Variants in RSRC1 observed in about 807,000 individuals in gnomAD.
The protein encoded by RSRC1 is serine/Arginine-related protein 53.
RSRC1 carries 39 observed loss-of-function variants against 49.1 expected under a neutral mutation model. The observed-to-expected ratio is 0.79, with a 90% CI of 0.61 to 1.04. The LOEUF is 1.04. RSRC1 is among the 50% of genes least tolerant of loss of function. The pLI is 0.00. For missense variants in RSRC1, 388 were observed against 402.4 expected (o/e 0.96, Z 0.31); for synonymous variants, 143 against 130.8 (o/e 1.09, Z -0.63).
At chr3:158,313,423 C>G (rs1289398004) in intron 5 of RSRC1, among the ~76,000 whole-genome samples, 2 of 152,108 alleles carry the variant, frequency 1.3e-5, no homozygotes, top group African/African-American at 4.8e-5. Context: ...TAATATGTGT[C>G]TCTCATCATG....
intron 5 of RSRC1, among the ~76,000 whole-genome samples, chr3:158,299,221 A>T (rs1161799365): frequency 6.6e-6 from 1 of 152,222 alleles, no homozygotes; most frequent in Admixed American, 6.5e-5. Context: ...CAGAATAAAC[A>T]TGTTAGTTTG....
chr3:158,318,385 T>C (rs1285754575), intron 5 of RSRC1, among the ~76,000 whole-genome samples: 1 of 152,158 alleles, frequency 6.6e-6, no homozygotes. Context: ...AAAATATCTT[T>C]TTATTCTAGC....
At chr3:158,239,857 A>G (rs1379670391) in intron 4 of RSRC1, among the ~76,000 whole-genome samples, 1 of 152,218 alleles carries the variant, frequency 6.6e-6, no homozygotes, top group Non-Finnish European at 1.5e-5. Context: ...CTTAACAATA[A>G]AAGAAAGAAT....
chr3:158,229,352 A>ACC (rs1722800471), intron 4 of RSRC1, among the ~76,000 whole-genome samples: 1 of 124,864 alleles, frequency 8.0e-6, no homozygotes, highest in African/African-American at 2.8e-5. Context: ...ATGTATATAT[A>ACC]TACACATATA....
chr3:158,458,193 C>T (rs1737439604), intron 6 of RSRC1, among the ~76,000 whole-genome samples: 1 of 150,270 alleles, frequency 6.7e-6, no homozygotes, highest in Non-Finnish European at 1.5e-5. Flanking sequence ...TGGACACTAA[C>T]TATGGATGCT....
At chr3:158,471,003 T>C (rs1431943515) in intron 7 of RSRC1, among the ~76,000 whole-genome samples, 1 of 152,026 alleles carries the variant, frequency 6.6e-6, no homozygotes, top group African/African-American at 2.4e-5. Context: ...CAGGCTAAGG[T>C]AGAGGATTTG....
chr3:158,409,891 C>T (rs1335405908), intron 6 of RSRC1, among the ~76,000 whole-genome samples: 2 of 151,656 alleles, frequency 1.3e-5, no homozygotes, highest in African/African-American at 2.4e-5. Context: ...TCAATGGCTT[C>T]CATCTGCCCA....
intron 5 of RSRC1, among the ~76,000 whole-genome samples, chr3:158,341,249 G>A (rs565902440): frequency 4.6e-4 from 70 of 152,270 alleles, no homozygotes; most frequent in African/African-American, 1.6e-3. Context: ...CCAAGACCAT[G>A]GGGAAAATGT....
chr3:158,203,130 A>G lies in RSRC1; in HGVS notation c.379A>G (p.Arg127Gly). 1 of 1,613,876 alleles carries G rather than the reference A, an allele frequency of 6.2e-7. No individual in the cohort carries two copies. The highest frequency in any genetic ancestry group is 8.5e-7 in the Non-Finnish European group (1 of 1,179,862). The change falls in exon 4 of 10, where the codon AGA becomes GGA. Residue 127 changes from arginine to glycine, a missense_variant. By Grantham distance (125) the Arg-to-Gly change is moderately radical (BLOSUM62 -2). Transcript: ENST00000611884. Reference sequence around the variant, plus strand: ...TCGTAGCAGTGAAAGGTCCAGTCACAGAAGAACGCGTAGTCGGTCTCGGGA... The same window carrying G: ...TCGTAGCAGTGAAAGGTCCAGTCACGGAAGAACGCGTAGTCGGTCTCGGGA... ...HSRSSERSSH[R>G]RTRSRSRDRE... is the part of the protein sequence containing the mutation.
chr3:158,283,321 A>AG (rs1726288185), intron 4 of RSRC1, among the ~76,000 whole-genome samples: 1 of 141,960 alleles, frequency 7.0e-6, no homozygotes, highest in African/African-American at 2.5e-5. Flanking sequence ...TTGGACTAAT[A>AG]ATTTTTTTTC....
intron 7 of RSRC1, among the ~76,000 whole-genome samples, chr3:158,494,639 A>G (rs1370539761): frequency 3.3e-5 from 5 of 152,228 alleles, no homozygotes; most frequent in Non-Finnish European, 7.3e-5. Context: ...TATACACTGT[A>G]CAAAAATATT....
intron 3 of RSRC1, among the ~76,000 whole-genome samples, chr3:158,194,710 T>C (rs1419513254): frequency 7.0e-6 from 1 of 143,026 alleles, no homozygotes; most frequent in African/African-American, 2.6e-5. Context: ...TGTGTTCTCA[T>C]TGTTCAATTC....
chr3:158,501,678 A>T (rs1739606103), intron 7 of RSRC1, among the ~76,000 whole-genome samples: 2 of 152,058 alleles, frequency 1.3e-5, no homozygotes, highest in African/African-American at 4.8e-5. Flanking sequence ...ACCCCTGCTC[A>T]CTGTTGGTGT....
intron 6 of RSRC1, among the ~76,000 whole-genome samples, chr3:158,434,152 A>G (rs1735919272): frequency 6.6e-6 from 1 of 151,904 alleles, no homozygotes; most frequent in Non-Finnish European, 1.5e-5. Flanking sequence ...TTTCAGCTCT[A>G]CTCTGTGATG....
intron 3 of RSRC1, among the ~76,000 whole-genome samples, chr3:158,148,656 G>A (rs1366653803): frequency 1.3e-5 from 2 of 151,976 alleles, no homozygotes; most frequent in African/African-American, 2.4e-5. Flanking sequence ...GTGTTTGTGA[G>A]TTGATTCTGC....
intron 6 of RSRC1, among the ~76,000 whole-genome samples, chr3:158,375,159 GTTATTATTATTATTATTATTATTA>G (rs60589390): frequency 6.9e-6 from 1 of 145,204 alleles, no homozygotes; most frequent in African/African-American, 2.5e-5. Context: ...GACTTAGCAA[GTTATTATTATTATTATTATTATTA>G]TTATTATTAT....
At chr3:158,224,433 AT>A (rs1722405370) in intron 4 of RSRC1, among the ~76,000 whole-genome samples, 1 of 151,870 alleles carries the variant, frequency 6.6e-6, no homozygotes, top group Non-Finnish European at 1.5e-5. Flanking sequence ...AATATATTAT[AT>A]AAATGGGATT....
At chr3:158,283,242 A>C (rs963871429) in intron 4 of RSRC1, among the ~76,000 whole-genome samples, 1 of 152,210 alleles carries the variant, frequency 6.6e-6, no homozygotes, top group East Asian at 1.9e-4. Context: ...TGTGAGCTGA[A>C]TGTAGACCCA....
At chr3:158,150,529 G>T (rs1455512463) in intron 3 of RSRC1, among the ~76,000 whole-genome samples, 1 of 152,004 alleles carries the variant, frequency 6.6e-6, no homozygotes, top group Non-Finnish European at 1.5e-5. Flanking sequence ...AAGCTGTCTG[G>T]TTGTGTTTTT....
Sources: gnomAD v4.1 joint callset for allele counts (sites outside exome capture counted in the v4.1 genomes callset) on GRCh38, gnomAD v4.1.1 for gene constraint, MANE v1.5 for transcripts, NCBI Gene and HGNC (gene_info 2026-07-23, HGNC 2026-07-21) for gene names.